The following RGPD8 variants were observed in gnomAD, a reference collection of about 807,000 sequenced individuals.
The protein encoded by RGPD8 is RANBP2 like and GRIP domain containing 8.
RGPD8 carries 15 observed loss-of-function variants against 89.1 expected under a neutral mutation model. That is an observed-to-expected ratio of 0.17 (90% confidence interval 0.11 to 0.26). RGPD8 has a LOEUF of 0.26. Ranked by LOEUF, RGPD8 falls within the 10% of genes least tolerant of loss-of-function variation. RGPD8 has a pLI of 1.00. For synonymous variants in RGPD8, 62 were observed against 420.9 expected (o/e 0.15, Z 10.44); for missense variants, 178 against 1,179.6 (o/e 0.15, Z 12.44).
chr2:112,427,548 T>C (rs996634824), intron 1 of RGPD8, among the ~76,000 whole-genome samples: 5 of 152,082 alleles, frequency 3.3e-5, no homozygotes, highest in African/African-American at 1.2e-4. Context: ...CCCTAAGAGA[T>C]GCCACATCAT....
At chr2:112,376,655 AAT>A (rs1678128027) in intron 22 of RGPD8, among the ~76,000 whole-genome samples, 1 of 151,878 alleles carries the variant, frequency 6.6e-6, no homozygotes, top group Non-Finnish European at 1.5e-5. Flanking sequence ...CTCTACTAAA[AAT>A]AGAAAAATTA....
In RGPD8 at chr2:112,389,338, C is replaced by G; in HGVS notation, c.3607G>C (p.Asp1203His). The G allele has an allele frequency of 6.2e-7, 1 of 1,605,860 alleles. No individual in the cohort carries two copies. Residue 1203 changes from aspartate (D) to histidine (H), a missense_variant, in exon 20 of 23, where the codon GAT becomes CAT. Asp to His is a moderately conservative substitution (Grantham distance 81, BLOSUM62 -1). Coordinates refer to ENST00000302558, the MANE Select transcript of RGPD8 (RefSeq NM_001164463.1). ...RAEEMKSGLK[D>H]FKTFLTNDQT... ...TCATTTGTCAAAAATGTTTTGAAATCTTTCAGTCCACTCTTCATTTCTTCA... is the reference window on the plus strand; with the variant it reads ...TCATTTGTCAAAAATGTTTTGAAATGTTTCAGTCCACTCTTCATTTCTTCA...
intron 7 of RGPD8, among the ~76,000 whole-genome samples, chr2:112,410,506 AATGGCTC>A (rs1176311945): frequency 7.2e-5 from 11 of 151,800 alleles, no homozygotes; most frequent in African/African-American, 2.4e-4. Flanking sequence ...GGCCGGGCTC[AATGGCTC>A]ATGCCTGTAA....
intron 4 of RGPD8, among the ~76,000 whole-genome samples, chr2:112,419,558 T>A (rs1679495461): frequency 6.6e-6 from 1 of 152,236 alleles, no homozygotes; most frequent in Non-Finnish European, 1.5e-5. Flanking sequence ...GGAATTACTT[T>A]GCATGACAGT....
chr2:112,413,121 CTT>C (rs780878782), intron 6 of RGPD8, among the ~76,000 whole-genome samples: 27 of 125,924 alleles, frequency 2.1e-4, no homozygotes, highest in African/African-American at 8.2e-4. Flanking sequence ...AATAAATTGT[CTT>C]TTTTTTTTTT....
chr2:112,413,288 A>AC (rs1679258584), intron 6 of RGPD8, among the ~76,000 whole-genome samples: 1 of 122,322 alleles, frequency 8.2e-6, no homozygotes, highest in Admixed American at 8.2e-5. Flanking sequence ...GCCCCGCTAA[A>AC]CTTTTTTTAT....
chr2:112,428,911 C>A (rs1679893068), intron 1 of RGPD8, among the ~76,000 whole-genome samples: 2 of 151,622 alleles, frequency 1.3e-5, no homozygotes, highest in East Asian at 1.9e-4. Context: ...CTAACCTGCA[C>A]AATGTGCACA....
At position 112,389,998 on chromosome 2, in the gene RGPD8, A is replaced by G. The variant is rs763050827; in HGVS notation, c.2947T>C (p.Phe983Leu). 1 of 1,571,836 alleles carries G rather than the reference A, an allele frequency of 6.4e-7. No homozygotes were observed. Among genetic ancestry groups the G allele is most frequent in the South Asian group, 1.1e-5 (1 of 88,844 alleles). ...TTGAGGTCTTTTTTGCCAAACTGAA[A>G]TCCTTCTCCTGAAGTTGATTTTGCA... Reference protein sequence around the residue: ...DVAKSTSGEGFQFGKKDLNFK... With the variant: ...DVAKSTSGEGLQFGKKDLNFK... Residue 983 changes from phenylalanine to leucine, a missense_variant, in exon 20 of 23, where the codon TTT becomes CTT. Physicochemically the swap from Phe to Leu is conservative, Grantham distance 22 (BLOSUM62 0). Transcript: ENST00000302558.
chr2:112,408,753 C>T (rs2951218), intron 7 of RGPD8, among the ~76,000 whole-genome samples: 1 of 150,664 alleles, frequency 6.6e-6, no homozygotes. Flanking sequence ...CTCACTGCAA[C>T]CTCCGCCTCC....
At chr2:112,377,289 T>TG (rs201900967) in intron 22 of RGPD8, among the ~76,000 whole-genome samples, 1 of 78,914 alleles carries the variant, frequency 1.3e-5, no homozygotes, top group Non-Finnish European at 2.6e-5. Flanking sequence ...AGTTTTTTTT[T>TG]TTTTTTTTTT....
intron 7 of RGPD8, among the ~76,000 whole-genome samples, chr2:112,409,664 T>C (rs965801378): frequency 2.8e-5 from 4 of 145,106 alleles, no homozygotes; most frequent in African/African-American, 1.1e-4. Flanking sequence ...TAGCCAGGCA[T>C]GGTGGCAGGC....
intron 6 of RGPD8, among the ~76,000 whole-genome samples, chr2:112,414,545 AT>A (rs1416748475): frequency 9.8e-6 from 1 of 101,972 alleles, no homozygotes; most frequent in Non-Finnish European, 1.9e-5. Context: ...AATGGATTAC[AT>A]TTTTTGTTTT....
At chr2:112,381,878 A>G (rs1403531030) in intron 20 of RGPD8, among the ~76,000 whole-genome samples, 1 of 152,276 alleles carries the variant, frequency 6.6e-6, no homozygotes, top group African/African-American at 2.4e-5. Context: ...TTCCATTTGG[A>G]CAGTGTGATG....
At chr2:112,429,533 A>C (rs1679931535) in intron 1 of RGPD8, among the ~76,000 whole-genome samples, 1 of 151,906 alleles carries the variant, frequency 6.6e-6, no homozygotes, top group African/African-American at 2.4e-5. Flanking sequence ...ATAGATGTAA[A>C]GGGCAGAAAA....
At chr2:112,411,141 C>A (rs1480093480) in intron 7 of RGPD8, among the ~76,000 whole-genome samples, 7 of 152,250 alleles carry the variant, frequency 4.6e-5, no homozygotes, top group Non-Finnish European at 7.3e-5. Context: ...GTAATGAATC[C>A]TTTTTTTTCC....
intron 22 of RGPD8, among the ~76,000 whole-genome samples, chr2:112,374,839 C>G: frequency 7.2e-6 from 1 of 139,276 alleles, no homozygotes; most frequent in Admixed American, 7.3e-5. Context: ...TTCTTTTGAA[C>G]CATCTTGTAG....
In RGPD8 at chr2:112,377,321, C is replaced by T. The variant is rs1478597788; in HGVS notation, c.5263+732G>A. ...TTTTTGAGATGGAGTCTCGCTCTGC[C>T]GTCAGGCTGGAGTACAGTGGCGTGA... On this transcript the variant is annotated intron_variant, in intron 22 of 22. Coordinates refer to ENST00000302558, the MANE Select transcript of RGPD8 (RefSeq NM_001164463.1). Among the ~76,000 whole-genome samples, 86 of 101,026 alleles carry T rather than the reference C, an allele frequency of 8.5e-4. 7 individuals are homozygous for T. Among genetic ancestry groups the T allele is most frequent in the African/African-American group, 2.6e-3 (78 of 30,394 alleles). The allele number at this position is 101,026 out of a possible 152,430, so 66.3% of individuals were successfully genotyped here.
chr2:112,423,802 G>A (rs1679641603), intron 2 of RGPD8, among the ~76,000 whole-genome samples: 1 of 152,042 alleles, frequency 6.6e-6, no homozygotes, highest in African/African-American at 2.4e-5. Context: ...CCCTAGGATA[G>A]AGCCTTACAG....
At chr2:112,425,299 T>G (rs1316822985) in intron 1 of RGPD8, among the ~76,000 whole-genome samples, 1 of 148,226 alleles carries the variant, frequency 6.7e-6, no homozygotes, top group Non-Finnish European at 1.5e-5. Flanking sequence ...TAGGATCTAT[T>G]AAGGCACTGA....
Sources: allele counts gnomAD v4.1 joint callset (sites outside exome capture counted in the v4.1 genomes callset), GRCh38; gene constraint gnomAD v4.1.1; transcripts MANE v1.5; gene names NCBI Gene and HGNC (gene_info 2026-07-23, HGNC 2026-07-21).